Variants in IL1RAPL1 observed in about 807,000 individuals in gnomAD.
IL1RAPL1 encodes interleukin-1 receptor accessory protein-like 1.
IL1RAPL1 carries 3 observed loss-of-function variants against 48.4 expected under a neutral mutation model. The ratio of observed to expected loss-of-function variants is 0.06; its 90% CI spans 0.03 to 0.16. The LOEUF (loss-of-function observed/expected upper bound fraction) is 0.16, where lower values mean the gene tolerates loss of function less well. Ranked by LOEUF, IL1RAPL1 falls within the 10% of genes least tolerant of loss-of-function variation. The probability of loss-of-function intolerance (pLI) is 1.00; values close to 1 mark genes in which losing one functional copy is unlikely to be tolerated. For missense variants in IL1RAPL1, 349 were observed against 530.6 expected (o/e 0.66, Z 3.36); for synonymous variants, 185 against 187.7 (o/e 0.99, Z 0.12).
At chrX:29,120,471 G>C (rs915314544) in intron 2 of IL1RAPL1, among the ~76,000 whole-genome samples, 1 of 110,964 alleles carries the variant, frequency 9.0e-6, no homozygotes, top group African/African-American at 3.3e-5. Flanking sequence ...TTTATTTCTG[G>C]GTTCTGTATT....
chrX:29,550,353 G>C (rs760093652), intron 5 of IL1RAPL1, among the ~76,000 whole-genome samples: 1 of 110,396 alleles, frequency 9.1e-6, no homozygotes, highest in Non-Finnish European at 1.9e-5. Flanking sequence ...CACCACGCCC[G>C]GCTAATTCTT....
intron 2 of IL1RAPL1, among the ~76,000 whole-genome samples, chrX:29,267,915 A>G (rs1202311672): frequency 1.8e-5 from 2 of 111,752 alleles, no homozygotes; most frequent in Non-Finnish European, 3.8e-5. Flanking sequence ...CAACAGACTT[A>G]GGAGTCAGTA....
chrX:28,801,891 A>C (rs1936680627), intron 2 of IL1RAPL1, among the ~76,000 whole-genome samples: 1 of 112,031 alleles, frequency 8.9e-6, no homozygotes, highest in African/African-American at 3.2e-5. Context: ...TACAAATAAT[A>C]GTTCATCTTT....
At chrX:28,869,252 C>T (rs1922149353) in intron 2 of IL1RAPL1, among the ~76,000 whole-genome samples, 1 of 112,315 alleles carries the variant, frequency 8.9e-6, no homozygotes, top group Non-Finnish European at 1.9e-5. Flanking sequence ...GATCCAGAAT[C>T]GGCCTCACTG....
At chrX:29,508,403 T>C (rs6526874) in intron 5 of IL1RAPL1, among the ~76,000 whole-genome samples, 50,814 of 110,496 alleles carry the variant, frequency 0.46, 8,503 homozygotes, top group East Asian at 0.7. Flanking sequence ...TTAAATTCAA[T>C]GGTTACTGAA....
intron 2 of IL1RAPL1, among the ~76,000 whole-genome samples, chrX:29,197,862 C>T (rs912059056): frequency 8.2e-5 from 9 of 109,894 alleles, no homozygotes; most frequent in Admixed American, 6.8e-4. Flanking sequence ...GCATGCACCA[C>T]CACACCAAGC....
At chrX:29,403,954 A>G (rs1934024784) in intron 5 of IL1RAPL1, among the ~76,000 whole-genome samples, 1 of 112,447 alleles carries the variant, frequency 8.9e-6, no homozygotes, top group South Asian at 3.6e-4. Context: ...CAAAGTTGCT[A>G]AGGTCAGCAC....
chrX:29,511,754 G>C (rs770790993), intron 5 of IL1RAPL1, among the ~76,000 whole-genome samples: 1 of 111,135 alleles, frequency 9.0e-6, no homozygotes. Context: ...AATAATTTCT[G>C]GTGTGACCAT....
At position 29,850,164 on chromosome X, in the gene IL1RAPL1, A is replaced by G. The variant is rs766522255; in HGVS notation, c.779-67300A>G. The stretch of plus-strand genomic sequence containing the variant: ...CTTCTTCTTCAAATAAGGTCATCAC[A>G]TTCTTCAAAGAAGAAAATTCTGGTG... On this transcript the variant is annotated intron_variant, in intron 6 of 10. Transcript: ENST00000378993. 5.3e-5 allele frequency among the ~76,000 whole-genome samples: 6 copies of G among 112,369 alleles called. No individual in the cohort carries two copies. In the East Asian group the frequency reaches 1.4e-3, roughly 26 times the overall value.
At chrX:28,943,902 C>T (rs952611931) in intron 2 of IL1RAPL1, among the ~76,000 whole-genome samples, 3 of 110,861 alleles carry the variant, frequency 2.7e-5, no homozygotes, top group Admixed American at 9.7e-5. Context: ...TTCACCTCAA[C>T]ATAGATTTGT....
chrX:29,844,160 T>C (rs1468045331), intron 6 of IL1RAPL1, among the ~76,000 whole-genome samples: 1 of 112,199 alleles, frequency 8.9e-6, no homozygotes, highest in Non-Finnish European at 1.9e-5. Context: ...TAAATATGTA[T>C]TGAGAACCTA....
intron 6 of IL1RAPL1, among the ~76,000 whole-genome samples, chrX:29,909,816 G>A (rs1434998663): frequency 8.9e-6 from 1 of 112,043 alleles, no homozygotes; most frequent in African/African-American, 3.2e-5. Context: ...ACTGCTGGTG[G>A]GAATGTAAAT....
chrX:29,839,916 C>G (rs1326610865), intron 6 of IL1RAPL1, among the ~76,000 whole-genome samples: 1 of 111,760 alleles, frequency 8.9e-6, no homozygotes, highest in Non-Finnish European at 1.9e-5. Flanking sequence ...GCAGAGTGAG[C>G]CTCTGTCTCA....
chrX:29,306,588 C>T (rs1456629095), intron 3 of IL1RAPL1, among the ~76,000 whole-genome samples: 2 of 101,173 alleles, frequency 2.0e-5, no homozygotes, highest in South Asian at 4.6e-4. Context: ...TATGGCCAGG[C>T]GCAGTGGCTC....
Position 28,802,567 on chromosome X carries a change from G to A in IL1RAPL1, c.82+13142G>A, listed in dbSNP as rs191090952. Among the ~76,000 whole-genome samples the A allele has an allele frequency of 3.2e-4, 36 of 112,215 alleles. No individual in the cohort carries two copies. The East Asian group carries it at 9.2e-3, about 29-fold the overall frequency. On this transcript the variant is annotated intron_variant, in intron 2 of 10. Coordinates refer to ENST00000378993, the MANE Select transcript of IL1RAPL1 (RefSeq NM_014271.4). ...GTTTTGCTACCTTGAGCTCAATAAAGTACTGCCATTGGCATCTTACTTTAA... is the reference window on the plus strand; with the variant it reads ...GTTTTGCTACCTTGAGCTCAATAAAATACTGCCATTGGCATCTTACTTTAA...
At chrX:28,812,785 A>G (rs987860148) in intron 2 of IL1RAPL1, among the ~76,000 whole-genome samples, 2 of 111,046 alleles carry the variant, frequency 1.8e-5, no homozygotes, top group Non-Finnish European at 3.8e-5. Flanking sequence ...TACTATACAT[A>G]TAGTGTCATA....
At chrX:29,720,368 G>C (rs1279586803) in intron 6 of IL1RAPL1, among the ~76,000 whole-genome samples, 1 of 111,939 alleles carries the variant, frequency 8.9e-6, no homozygotes. Context: ...GTCCATCAAT[G>C]ATAGACTGGA....
At chrX:28,655,091 G>T (rs1934734552) in intron 1 of IL1RAPL1, among the ~76,000 whole-genome samples, 1 of 110,992 alleles carries the variant, frequency 9.0e-6, no homozygotes, top group Non-Finnish European at 1.9e-5. Flanking sequence ...TGCTTCCAAA[G>T]AAATTAAACT....
chrX:28,962,106 A>G (rs1352513934), intron 2 of IL1RAPL1, among the ~76,000 whole-genome samples: 2 of 111,760 alleles, frequency 1.8e-5, no homozygotes, highest in African/African-American at 3.2e-5. Context: ...GAAGATATAT[A>G]TTTGTTCTTT....
Sources: gnomAD v4.1 joint callset for allele counts (sites outside exome capture counted in the v4.1 genomes callset) on GRCh38, gnomAD v4.1.1 for gene constraint, MANE v1.5 for transcripts, NCBI Gene and HGNC (gene_info 2026-07-23, HGNC 2026-07-21) for gene names.